ADAM23: variants seen among roughly 807,000 people sequenced by gnomAD.
ADAM23 encodes ADAM metallopeptidase domain 23, also known as disintegrin and metalloproteinase domain-containing protein 23.
In ADAM23, 33 loss-of-function variants were observed where a neutral mutation model predicts 120.1. That is an observed-to-expected ratio of 0.27 (90% CI 0.21 to 0.37). The LOEUF (loss-of-function observed/expected upper bound fraction) is 0.37, where lower values mean the gene tolerates loss of function less well. Among genes scored for constraint, ADAM23 ranks in the 10% least tolerant of loss-of-function variants. ADAM23 has a pLI of 1.00. For synonymous variants in ADAM23, 367 were observed against 375.2 expected, an observed-to-expected ratio of 0.98 and a Z score of 0.25; for missense variants, 862 against 1,058.2, an observed-to-expected ratio of 0.81 and a Z score of 2.57.
rs527380641 is a variant in ADAM23 at position 206,445,311 on chromosome 2, G to A, written c.219G>A (p.Pro73=). The A allele has an allele frequency of 9.9e-6, 16 of 1,612,788 alleles. No individual in the cohort carries two copies. In the East Asian group the frequency reaches 1.1e-4, roughly 11 times the overall value. Residue 73 remains proline (P), a synonymous_variant, in exon 2 of 26, where the codon CCG becomes CCA. Coordinates refer to ENST00000264377, the MANE Select transcript of ADAM23 (RefSeq NM_003812.4). ...RAWGAAAPSA[P]HWNETAEKNL... ...CCACCCCCCTACCTCCACCAGCTCC[G>A]CATTGGAATGAAACTGCAGAAAAAA...
intron 18 of ADAM23, among the ~76,000 whole-genome samples, chr2:206,580,962 A>T (rs963723253): frequency 6.6e-6 from 1 of 152,058 alleles, no homozygotes; most frequent in African/African-American, 2.4e-5. Context: ...TTTTTCCAGG[A>T]ATTTATCCAT....
intron 9 of ADAM23, among the ~76,000 whole-genome samples, chr2:206,556,363 A>G (rs1377913271): frequency 2.6e-5 from 4 of 152,202 alleles, no homozygotes; most frequent in Non-Finnish European, 4.4e-5. Context: ...TAGGGTGCGA[A>G]TGGGCAAAGG....
At chr2:206,560,704 T>A (rs1023997990) in intron 11 of ADAM23, among the ~76,000 whole-genome samples, 14 of 152,224 alleles carry the variant, frequency 9.2e-5, no homozygotes, top group Admixed American at 9.2e-4. Context: ...TAAGGTTCTG[T>A]CCTGGAATCA....
chr2:206,515,057 A>G (rs1203289807), intron 3 of ADAM23, among the ~76,000 whole-genome samples: 4 of 152,216 alleles, frequency 2.6e-5, no homozygotes, highest in South Asian at 4.2e-4. Context: ...AGTATCCCCA[A>G]GGTATGCCTG....
chr2:206,481,124 A>G (rs994471276), intron 2 of ADAM23, 108 bp from the exon 3 acceptor site: 30 of 740,774 alleles, frequency 4.0e-5, no homozygotes, highest in Non-Finnish European at 6.2e-5. Flanking sequence ...TACATAAGGA[A>G]ATGAACTGAT....
intron 3 of ADAM23, among the ~76,000 whole-genome samples, chr2:206,490,646 C>T (rs1696114708): frequency 6.6e-6 from 1 of 152,122 alleles, no homozygotes; most frequent in African/African-American, 2.4e-5. Flanking sequence ...GTCCTAGAGG[C>T]CTGATAGTAT....
chr2:206,588,352 G>A (rs16838360), intron 20 of ADAM23, among the ~76,000 whole-genome samples, 198 bp downstream of exon 20: 12,072 of 152,276 alleles, frequency 0.079, 593 homozygotes, highest in Non-Finnish European at 0.12. Context: ...GTACTTGTCA[G>A]AACTGAGCAG....
intron 3 of ADAM23, among the ~76,000 whole-genome samples, chr2:206,502,737 C>T (rs542589453): frequency 1.2e-4 from 18 of 152,226 alleles, no homozygotes; most frequent in African/African-American, 3.1e-4. Context: ...GTGTTTTACA[C>T]GATCTTTTTA....
intron 17 of ADAM23, among the ~76,000 whole-genome samples, chr2:206,572,320 T>TTG (rs762566688): frequency 1.3e-5 from 2 of 151,850 alleles, no homozygotes; most frequent in South Asian, 2.1e-4. Context: ...TATACATGGT[T>TTG]TGTGTGTGTG....
intron 3 of ADAM23, among the ~76,000 whole-genome samples, chr2:206,526,360 C>T (rs569753839): frequency 2.0e-5 from 3 of 152,094 alleles, no homozygotes; most frequent in Non-Finnish European, 4.4e-5. Context: ...GAAATTAGGA[C>T]AGTTTAGACA....
chr2:206,508,244 T>G (rs754109804), intron 3 of ADAM23, among the ~76,000 whole-genome samples: 1 of 152,176 alleles, frequency 6.6e-6, no homozygotes, highest in East Asian at 1.9e-4. Flanking sequence ...TTAGCCAGGA[T>G]GGTCTTGATC....
At chr2:206,541,799 T>G (rs558084969) in intron 4 of ADAM23, among the ~76,000 whole-genome samples, 2 of 152,236 alleles carry the variant, frequency 1.3e-5, no homozygotes, top group Non-Finnish European at 2.9e-5. Flanking sequence ...AATGTATGTT[T>G]TATTAATTAC....
At chr2:206,574,082 G>T (rs982249448) in intron 18 of ADAM23, among the ~76,000 whole-genome samples, 5 of 152,098 alleles carry the variant, frequency 3.3e-5, no homozygotes, top group South Asian at 2.1e-4. Flanking sequence ...TTCTTGTTAT[G>T]AATGCACACT....
intron 18 of ADAM23, among the ~76,000 whole-genome samples, chr2:206,582,315 C>G (rs751912310): frequency 1.3e-4 from 20 of 152,174 alleles, no homozygotes; most frequent in Non-Finnish European, 2.6e-4. Context: ...TGTCTCTTAG[C>G]CACTGTTGCT....
intron 9 of ADAM23, among the ~76,000 whole-genome samples, chr2:206,552,811 A>G (rs1302728635): frequency 6.7e-6 from 1 of 150,082 alleles, no homozygotes; most frequent in Non-Finnish European, 1.5e-5. Flanking sequence ...ATAGGTGCAT[A>G]TGACCATGCC....
intron 3 of ADAM23, among the ~76,000 whole-genome samples, chr2:206,502,342 A>G (rs181764509): frequency 3.1e-4 from 47 of 152,122 alleles, no homozygotes; most frequent in Middle Eastern, 3.4e-3. Flanking sequence ...GCCAGCAGAA[A>G]CTTTTCTTCT....
At chr2:206,516,258 G>A (rs1696728720) in intron 3 of ADAM23, among the ~76,000 whole-genome samples, 2 of 149,184 alleles carry the variant, frequency 1.3e-5, no homozygotes, top group Non-Finnish European at 3.0e-5. Context: ...GAAAGAAAAA[G>A]CCAAGTAGTG....
rs1697483313 is a variant in ADAM23, at chr2:206,550,140, A to G, written c.913A>G (p.Ile305Val). 1 of 1,584,566 alleles carries G rather than the reference A, an allele frequency of 6.3e-7. No homozygotes were observed. The highest frequency in any genetic ancestry group is 1.4e-5 in the African/African-American group (1 of 74,010). ...FEEMKYLELM[I>V]VNDHKTYKKH... The stretch of plus-strand genomic sequence containing the variant: ...AGAAATGAAATATTTGGAACTTATG[A>G]TTGTTAATGATCACAAAACGGTAAG... The change falls in exon 9 of 26, where the codon ATT (isoleucine) becomes GTT (valine). Residue 305 changes from isoleucine to valine, a missense_variant. Around this residue, in one of 4 missense-constraint regions of ADAM23, gnomAD observed 617 missense variants for 813.5 expected, o/e 0.76. Transcript: ENST00000264377.
chr2:206,599,163 C>A (rs1698588106), intron 24 of ADAM23, among the ~76,000 whole-genome samples: 1 of 151,088 alleles, frequency 6.6e-6, no homozygotes, highest in Admixed American at 6.6e-5. Context: ...CGAGATCGTG[C>A]CATTGTACTC....
Sources: allele counts gnomAD v4.1 joint callset (sites outside exome capture counted in the v4.1 genomes callset), GRCh38; gene constraint gnomAD v4.1.1; regional missense constraint gnomAD v4.1.1; transcripts MANE v1.5; gene names NCBI Gene and HGNC (gene_info 2026-07-23, HGNC 2026-07-21).